CGNL1: variants seen among roughly 807,000 people sequenced by gnomAD.
The protein encoded by CGNL1 is cingulin like 1, also known as cingulin-like protein 1.
A neutral mutation model predicts 141.2 loss-of-function variants in CGNL1; 132 were observed. The observed-to-expected ratio is 0.93, with a 90% CI of 0.81 to 1.08. The LOEUF is 1.08. CGNL1 is among the 50% of genes least tolerant of loss of function. CGNL1 has a pLI of 0.00. For synonymous variants in CGNL1, 690 were observed against 622.1 expected, an observed-to-expected ratio of 1.11 and a Z score of -1.63; for missense variants, 1,870 against 1,588.6, an observed-to-expected ratio of 1.18 and a Z score of -3.01.
chr15:57,464,062 G>T (rs1322044212), intron 8 of CGNL1, among the ~76,000 whole-genome samples: 1 of 119,654 alleles, frequency 8.4e-6, no homozygotes, highest in African/African-American at 3.3e-5. Flanking sequence ...GGCATAGGGG[G>T]CACTTTTGTC....
intron 8 of CGNL1, among the ~76,000 whole-genome samples, chr15:57,471,504 ATCACAGCAAAT>A (rs1217694964): frequency 1.3e-5 from 2 of 152,204 alleles, no homozygotes; most frequent in Non-Finnish European, 2.9e-5. Context: ...ATGACTCAAA[ATCACAGCAAAT>A]TCACAGGCAG....
chr15:57,389,749 C>G (rs907643637), intron 1 of CGNL1, among the ~76,000 whole-genome samples: 4 of 152,168 alleles, frequency 2.6e-5, no homozygotes, highest in Non-Finnish European at 5.9e-5. Context: ...TTTGCTCTTA[C>G]AATGGTTGTA....
At chr15:57,429,513 T>C (rs1349243934) in intron 1 of CGNL1, among the ~76,000 whole-genome samples, 1 of 152,188 alleles carries the variant, frequency 6.6e-6, no homozygotes, top group African/African-American at 2.4e-5. Context: ...GCACAAACGG[T>C]GTGGATCTGT....
In CGNL1 at chr15:57,550,563, C is replaced by T. The variant is rs967133982; in HGVS notation, c.*3073C>T. 5.9e-5 allele frequency: 9 copies of T among 152,580 alleles called. No homozygotes were observed. Among genetic ancestry groups the T allele is most frequent in the African/African-American group, 1.2e-4 (5 of 41,418 alleles). 9.5% of individuals were successfully genotyped at this position (152,580 alleles called of 1,614,324 possible). A position where few individuals can be genotyped will look rare whatever the true frequency, so the allele number is the denominator to read the frequency against. On this transcript the variant is annotated 3_prime_UTR_variant, in exon 19 of 19. Coordinates refer to ENST00000281282, the MANE Select transcript of CGNL1 (RefSeq NM_032866.5). Reference sequence around the variant, plus strand: ...CTTCTGAGTGTCGTTCTACAATGCCCGTTGACTTATTCCATTGCGTCTCTG... The same window carrying T: ...CTTCTGAGTGTCGTTCTACAATGCCTGTTGACTTATTCCATTGCGTCTCTG...
At chr15:57,388,876 T>G (rs974806380) in intron 1 of CGNL1, among the ~76,000 whole-genome samples, 1 of 152,210 alleles carries the variant, frequency 6.6e-6, no homozygotes, top group Non-Finnish European at 1.5e-5. Flanking sequence ...GAGTCTCCCA[T>G]GACTTTCTGA....
intron 12 of CGNL1, among the ~76,000 whole-genome samples, chr15:57,526,182 A>G (rs2031600200): frequency 6.7e-6 from 1 of 148,562 alleles, no homozygotes; most frequent in Non-Finnish European, 1.5e-5. Flanking sequence ...TTCCAAAACA[A>G]AAAAAAAAAA....
At chr15:57,435,151 C>T (rs558776137) in intron 1 of CGNL1, among the ~76,000 whole-genome samples, 29 of 152,178 alleles carry the variant, frequency 1.9e-4, no homozygotes, top group African/African-American at 4.1e-4. Context: ...CGATCATTAA[C>T]GCTAGAAAAG....
intron 8 of CGNL1, among the ~76,000 whole-genome samples, chr15:57,463,489 C>T (rs1422247228): frequency 2.6e-5 from 4 of 152,204 alleles, no homozygotes; most frequent in Non-Finnish European, 5.9e-5. Context: ...GTAGTCAAGA[C>T]GTGTATCACT....
At chr15:57,429,733 C>T (rs1001277370) in intron 1 of CGNL1, among the ~76,000 whole-genome samples, 1 of 152,166 alleles carries the variant, frequency 6.6e-6, no homozygotes, top group Non-Finnish European at 1.5e-5. Context: ...GTCTTTTTCT[C>T]ATAAGTGTTT....
intron 8 of CGNL1, among the ~76,000 whole-genome samples, chr15:57,489,963 G>A (rs2063835809): frequency 1.3e-5 from 2 of 152,174 alleles, no homozygotes; most frequent in African/African-American, 4.8e-5. Flanking sequence ...CGTTTTCTCT[G>A]GATGTCTGGA....
At chr15:57,517,527 T>C (rs1375054717) in intron 9 of CGNL1, among the ~76,000 whole-genome samples, 1 of 152,210 alleles carries the variant, frequency 6.6e-6, no homozygotes, top group African/African-American at 2.4e-5. Flanking sequence ...CCTGTGCTGC[T>C]ATCATGGAAT....
At chr15:57,417,523 T>C (rs1402232106) in intron 1 of CGNL1, among the ~76,000 whole-genome samples, 1 of 152,062 alleles carries the variant, frequency 6.6e-6, no homozygotes, top group Non-Finnish European at 1.5e-5. Context: ...CATGAGCCAC[T>C]GCACCCAGCC....
chr15:57,498,930 T>C (rs1393066240), intron 8 of CGNL1, among the ~76,000 whole-genome samples: 2 of 152,038 alleles, frequency 1.3e-5, no homozygotes, highest in Non-Finnish European at 2.9e-5. Flanking sequence ...ATACAGACAT[T>C]GGGGACTGAA....
chr15:57,490,033 T>C (rs2063836754), intron 8 of CGNL1, among the ~76,000 whole-genome samples: 1 of 152,188 alleles, frequency 6.6e-6, no homozygotes, highest in African/African-American at 2.4e-5. Flanking sequence ...GGTAACTTGG[T>C]CACCTGGAGA....
intron 8 of CGNL1, among the ~76,000 whole-genome samples, chr15:57,475,523 GTGTGTGTGTGTGTTTTC>G (rs2063643292): frequency 7.6e-6 from 1 of 131,254 alleles, no homozygotes; most frequent in Admixed American, 8.1e-5. Context: ...GTGTGTGTGT[GTGTGTGTGTGTGTTTTC>G]TTTTCTTCTC....
At chr15:57,481,374 T>C (rs907379813) in intron 8 of CGNL1, among the ~76,000 whole-genome samples, 1 of 152,184 alleles carries the variant, frequency 6.6e-6, no homozygotes, top group Non-Finnish European at 1.5e-5. Context: ...ACCCAACTAG[T>C]GTACTTCTCT....
At chr15:57,457,481 C>T (rs75877369) in intron 7 of CGNL1, among the ~76,000 whole-genome samples, 2,869 of 152,298 alleles carry the variant, frequency 0.019, 46 homozygotes, top group Non-Finnish European at 0.028. Flanking sequence ...TCCAGCCAAA[C>T]ACAGTGCTCT....
intron 1 of CGNL1, among the ~76,000 whole-genome samples, chr15:57,404,638 G>A (rs2062695290): frequency 6.6e-6 from 1 of 152,126 alleles, no homozygotes; most frequent in Non-Finnish European, 1.5e-5. Context: ...AAAAGGCCTA[G>A]GTTTGACTTC....
chr15:57,518,471 C>T lies in CGNL1; in HGVS notation c.2689C>T (p.Leu897=). 6.2e-7 allele frequency: 1 copy of T among 1,611,428 alleles called. No individual in the cohort carries two copies. The highest frequency in any genetic ancestry group is 8.5e-7 in the Non-Finnish European group (1 of 1,178,728). ...EKEAVSARRA[L]ENELEAAQGN... is the part of the protein sequence containing the mutation. ...AGAAGCTGTGTCAGCCAGAAGGGCC[C>T]TGGAGAATGAACTGGAGGCTGCTCA... Residue 897 remains leucine (L), a synonymous_variant, in exon 10 of 19, where the codon CTG becomes TTG. Transcript: ENST00000281282.
Sources: gnomAD v4.1 joint callset for allele counts (sites outside exome capture counted in the v4.1 genomes callset) on GRCh38, gnomAD v4.1.1 for gene constraint, MANE v1.5 for transcripts, NCBI Gene and HGNC (gene_info 2026-07-23, HGNC 2026-07-21) for gene names.